Variants in UBE4B observed in about 807,000 individuals in gnomAD.
The protein encoded by UBE4B is ubiquitination factor E4B.
In UBE4B, 27 loss-of-function variants were observed where a neutral mutation model predicts 148.1. That is an observed-to-expected ratio of 0.18 (90% CI 0.13 to 0.25). The LOEUF (loss-of-function observed/expected upper bound fraction) is 0.25, where lower values mean the gene tolerates loss of function less well. Ranked by LOEUF, UBE4B falls within the 10% of genes least tolerant of loss-of-function variation. UBE4B has a pLI of 1.00. For synonymous variants in UBE4B, 596 were observed against 619.3 expected, an observed-to-expected ratio of 0.96 and a Z score of 0.56; for missense variants, 1,170 against 1,662.4, an observed-to-expected ratio of 0.70 and a Z score of 5.15.
In UBE4B at chr1:10,126,811, A is replaced by G. The variant is rs1338373572; in HGVS notation, c.1572A>G (p.Leu524=). The change falls in exon 11 of 28, where the codon TTA becomes TTG. Residue 524 remains leucine, a synonymous_variant. Coordinates refer to ENST00000343090, the MANE Select transcript of UBE4B (RefSeq NM_001105562.3). ...TCTTATAGATATTTATCCCCATTTT[A>G]CAAGGCCTGGCTCTTGCTGCCAAAG... ...EVFKQIFIPI[L]QGLALAAKEC... is the part of the protein sequence containing the mutation. 2 of 1,613,656 alleles carry G rather than the reference A, an allele frequency of 1.2e-6. No individual in the cohort carries two copies. The highest frequency in any genetic ancestry group is 3.3e-5 in the Admixed American group (2 of 59,956).
chr1:10,161,384 A>C lies in UBE4B; in HGVS notation c.3198+98A>C. 7.2e-7 allele frequency: 1 copy of C among 1,387,516 alleles called. No homozygotes were observed. The allele number at this position is 1,387,516 out of a possible 1,614,324, so 86.0% of individuals were successfully genotyped here. A position where few individuals can be genotyped will look rare whatever the true frequency, so the allele number is the denominator to read the frequency against. ...GGGCTGCATTTGTGGGTCTGATGAT[A>C]TGCGATCTGACATGCTGGGATTTTC... is the stretch of plus-strand genomic sequence containing the variant. On this transcript the variant is annotated intron_variant, in intron 23 of 27. Transcript: ENST00000343090. The surrounding 1 kb of genome is among the most constrained non-coding windows in gnomAD (Gnocchi z 4.1).
intron 1 of UBE4B, among the ~76,000 whole-genome samples, chr1:10,037,070 C>G (rs1423850673): frequency 4.6e-5 from 7 of 152,134 alleles, no homozygotes; most frequent in African/African-American, 9.7e-5. Flanking sequence ...TCTTGTTGCC[C>G]AGGCTGGAGT....
intron 2 of UBE4B, among the ~76,000 whole-genome samples, chr1:10,091,291 G>T (rs1268237947): frequency 6.6e-6 from 1 of 152,162 alleles, no homozygotes; most frequent in African/African-American, 2.4e-5. Context: ...CTCAAGTTTG[G>T]GGTGGGAGAG....
intron 22 of UBE4B, among the ~76,000 whole-genome samples, chr1:10,159,746 T>C (rs546085536): frequency 9.2e-5 from 14 of 152,248 alleles, no homozygotes; most frequent in Non-Finnish European, 1.8e-4. Context: ...GCAACCCATG[T>C]TAGATCTTTG....
intron 23 of UBE4B, among the ~76,000 whole-genome samples, chr1:10,166,982 A>T (rs1646260754): frequency 6.8e-6 from 1 of 147,424 alleles, no homozygotes; most frequent in Non-Finnish European, 1.5e-5. Flanking sequence ...AAAAAAAAAA[A>T]TTAGCTGGGC....
In UBE4B at chr1:10,035,765, C is replaced by T. The variant is rs1325086395; in HGVS notation, c.24+2071C>T. ...TTATTTTATTTTATTTTTTTTGAGA[C>T]GGAGCCTCGCTCTGTTGCCCAGGCT... On this transcript the variant is annotated intron_variant, in intron 1 of 27. Transcript: ENST00000343090. Among the ~76,000 whole-genome samples the T allele has an allele frequency of 1.6e-4, 24 of 146,624 alleles. No homozygotes were observed. In the South Asian group the frequency reaches 3.0e-3, roughly 18 times the overall value.
At chr1:10,095,141 T>C (rs967118989) in intron 2 of UBE4B, among the ~76,000 whole-genome samples, 1 of 152,202 alleles carries the variant, frequency 6.6e-6, no homozygotes, top group African/African-American at 2.4e-5. Context: ...TCATGGAAGT[T>C]AATTTGTATT....
At chr1:10,081,919 TA>T (rs983904164) in intron 2 of UBE4B, among the ~76,000 whole-genome samples, 106 of 152,284 alleles carry the variant, frequency 7.0e-4, no homozygotes, top group African/African-American at 2.3e-3. Flanking sequence ...CTCACTATGT[TA>T]CCCAGTTTGG....
chr1:10,043,157 GCAC>G, intron 1 of UBE4B, among the ~76,000 whole-genome samples: 1 of 151,396 alleles, frequency 6.6e-6, no homozygotes, highest in East Asian at 2.0e-4. Flanking sequence ...TTACAGGCAT[GCAC>G]CACCATGCCC....
At chr1:10,093,378 C>T (rs1026118529) in intron 2 of UBE4B, among the ~76,000 whole-genome samples, 1 of 152,128 alleles carries the variant, frequency 6.6e-6, no homozygotes, top group African/African-American at 2.4e-5. Flanking sequence ...AAAAGTTTTA[C>T]TGTATTCTGT....
Position 10,095,575 on chromosome 1 carries a change from A to G in UBE4B, c.326A>G (p.Asp109Gly). Reference protein sequence around the residue: ...SLSRSQSMDIDGVSCEKSMSQ... With the variant: ...SLSRSQSMDIGGVSCEKSMSQ... ...TCACGTTCCCAGAGCATGGATATCG[A>G]TGGTGTCTCATGTGAGAAAAGGTAA... is the stretch of plus-strand genomic sequence containing the variant. Residue 109 changes from aspartate (D) to glycine (G), a missense_variant, in exon 3 of 28, where the codon GAT becomes GGT. Coordinates refer to ENST00000343090, the MANE Select transcript of UBE4B (RefSeq NM_001105562.3). The G allele has an allele frequency of 6.2e-7, 1 of 1,614,062 alleles. No individual in the cohort carries two copies. Among genetic ancestry groups the G allele is most frequent in the Non-Finnish European group, 8.5e-7 (1 of 1,179,998 alleles).
chr1:10,171,300 C>T lies in UBE4B; in HGVS notation c.3496C>T (p.Arg1166Trp). Residue 1166 changes from arginine to tryptophan, a missense_variant, in exon 25 of 28, where the codon CGG becomes TGG. Physicochemically the swap from Arg to Trp is moderately radical, Grantham distance 101 (BLOSUM62 -3). Transcript: ENST00000343090. ...TATTTACTTACAGCTGGACTGTGCT[C>T]GGTTCGCGAAAGCCATTGCTGACGA... ...TDIYLQLDCA[R>W]FAKAIADDQR... 3.1e-6 allele frequency: 5 copies of T among 1,613,876 alleles called. No individual in the cohort carries two copies. Among genetic ancestry groups the T allele is most frequent in the Non-Finnish European group, 4.2e-6 (5 of 1,179,912 alleles).
intron 1 of UBE4B, chr1:10,059,356 A>C (rs1387548280): frequency 5.4e-6 from 1 of 184,410 alleles, no homozygotes; most frequent in East Asian, 1.2e-4. Flanking sequence ...CTTCTGTAAG[A>C]GTCTGAAGGA....
At chr1:10,116,835 A>G (rs1645318513) in intron 7 of UBE4B, among the ~76,000 whole-genome samples, 1 of 152,260 alleles carries the variant, frequency 6.6e-6, no homozygotes, top group Admixed American at 6.5e-5. Flanking sequence ...GGTTGAGACT[A>G]GAACCCACGT....
chr1:10,125,575 C>T (rs886908566), intron 10 of UBE4B, among the ~76,000 whole-genome samples: 1 of 152,186 alleles, frequency 6.6e-6, no homozygotes, highest in Non-Finnish European at 1.5e-5. Context: ...GGGAATTTTT[C>T]AAGTTTTCTA....
intron 2 of UBE4B, among the ~76,000 whole-genome samples, chr1:10,088,370 T>A (rs983646487): frequency 6.6e-6 from 1 of 152,146 alleles, no homozygotes; most frequent in Non-Finnish European, 1.5e-5. Flanking sequence ...TTATTTTATT[T>A]GTTTTTTAAA....
intron 3 of UBE4B, 121 bp from the exon 4 acceptor site, chr1:10,100,987 C>T (rs1645001615): frequency 1.3e-6 from 1 of 763,404 alleles, no homozygotes; most frequent in Non-Finnish European, 2.1e-6. Flanking sequence ...AAAAGATGGA[C>T]CATTATCATT....
chr1:10,043,488 G>A (rs1437455711), intron 1 of UBE4B, among the ~76,000 whole-genome samples: 8 of 141,696 alleles, frequency 5.6e-5, no homozygotes, highest in Non-Finnish European at 7.6e-5. Flanking sequence ...GTGCAGTGGC[G>A]CGATCTCGGC....
rs370333584 is a variant in UBE4B, at chr1:10,132,495, C to T, written c.2025+13C>T. The T allele has an allele frequency of 2.3e-5, 37 of 1,608,816 alleles. No individual in the cohort carries two copies. Among genetic ancestry groups the T allele is most frequent in the Non-Finnish European group, 2.7e-5 (32 of 1,176,050 alleles). On this transcript the variant is annotated intron_variant, in intron 15 of 27. Coordinates refer to ENST00000343090, the MANE Select transcript of UBE4B (RefSeq NM_001105562.3). ...AGCACAGATGCAGGTAGGATTCCTA[C>T]AGACTGCTTTTCGCTGTTTGTCAAA...
Sources: allele counts gnomAD v4.1 joint callset (sites outside exome capture counted in the v4.1 genomes callset), GRCh38; gene constraint gnomAD v4.1.1; non-coding constraint Gnocchi (gnomAD v3.1); transcripts MANE v1.5; gene names NCBI Gene and HGNC (gene_info 2026-07-23, HGNC 2026-07-21).